The following TDRD3 variants were observed in gnomAD, a reference collection of about 807,000 sequenced individuals.
TDRD3 encodes tudor domain containing 3.
Under a neutral mutation model 86.7 loss-of-function variants are expected in TDRD3, and 45 were observed. That is an observed-to-expected ratio of 0.52 (90% CI 0.41 to 0.67). The LOEUF (loss-of-function observed/expected upper bound fraction) is 0.67. Among genes scored for constraint, TDRD3 ranks in the 30% least tolerant of loss-of-function variants. TDRD3 has a pLI of 0.00. For missense variants in TDRD3, 814 were observed against 889.0 expected (o/e 0.92, Z 1.07); for synonymous variants, 298 against 301.7 (o/e 0.99, Z 0.13).
chr13:60,494,618 T>G (rs180673492), intron 8 of TDRD3, 43 bp downstream of exon 8: 2 of 1,579,186 alleles, frequency 1.3e-6, no homozygotes, highest in Admixed American at 1.8e-5. Flanking sequence ...TGTTATTTCT[T>G]AAAATGATTC....
intron 1 of TDRD3, among the ~76,000 whole-genome samples, chr13:60,419,528 G>A (rs1428423476): frequency 6.6e-6 from 1 of 151,952 alleles, no homozygotes; most frequent in Non-Finnish European, 1.5e-5. Context: ...ACTAACATAG[G>A]AACAGAAAAA....
chr13:60,544,490 T>C (rs575914178), intron 12 of TDRD3, among the ~76,000 whole-genome samples: 3 of 151,156 alleles, frequency 2.0e-5, no homozygotes, highest in African/African-American at 7.3e-5. Flanking sequence ...GAAAAAATTG[T>C]CAAAACTAGT....
intron 6 of TDRD3, 59 bp from the exon 7 acceptor site, chr13:60,485,740 C>A (rs768812864): frequency 1.8e-4 from 245 of 1,363,592 alleles, no homozygotes; most frequent in Non-Finnish European, 2.3e-4. Flanking sequence ...TACTTTCTAA[C>A]GAAAACTTGA....
intron 12 of TDRD3, among the ~76,000 whole-genome samples, chr13:60,550,017 T>C (rs976643248): frequency 1.3e-5 from 2 of 152,096 alleles, no homozygotes; most frequent in African/African-American, 4.8e-5. Flanking sequence ...GCCTGCATCA[T>C]GAACACTTGA....
At chr13:60,504,354 G>A (rs1956891903) in intron 8 of TDRD3, among the ~76,000 whole-genome samples, 1 of 152,180 alleles carries the variant, frequency 6.6e-6, no homozygotes, top group Non-Finnish European at 1.5e-5. Context: ...TTGTGTACCA[G>A]GTATGGAGCC....
At chr13:60,443,491 A>T (rs1332704920) in intron 2 of TDRD3, among the ~76,000 whole-genome samples, 1 of 151,996 alleles carries the variant, frequency 6.6e-6, no homozygotes. Context: ...GGAATAAATT[A>T]TGAATCACAG....
At chr13:60,427,553 G>A (rs966992836) in intron 1 of TDRD3, among the ~76,000 whole-genome samples, 4 of 152,142 alleles carry the variant, frequency 2.6e-5, no homozygotes, top group Non-Finnish European at 5.9e-5. Flanking sequence ...GGTAGACAGA[G>A]TTTGGTGATC....
chr13:60,561,635 T>C (rs1033585642), intron 12 of TDRD3, among the ~76,000 whole-genome samples: 6 of 152,184 alleles, frequency 3.9e-5, no homozygotes, highest in African/African-American at 1.2e-4. Flanking sequence ...GTTAGATTTA[T>C]CTCCAGTTCC....
intron 12 of TDRD3, chr13:60,535,553 A>G (rs936219128): frequency 6.3e-6 from 1 of 159,572 alleles, no homozygotes; most frequent in Non-Finnish European, 1.4e-5. Context: ...CCAGTTTGTT[A>G]CTTTGAATTT....
intron 10 of TDRD3, among the ~76,000 whole-genome samples, chr13:60,524,521 A>G (rs1957366054): frequency 6.6e-6 from 1 of 151,662 alleles, no homozygotes. Context: ...AAAAAAATAA[A>G]TAAATAAATA....
At chr13:60,402,859 A>G (rs923043529) in intron 1 of TDRD3, among the ~76,000 whole-genome samples, 4 of 152,038 alleles carry the variant, frequency 2.6e-5, no homozygotes, top group African/African-American at 7.2e-5. Context: ...TGGCTAGCCA[A>G]TTGCTTTTTA....
chr13:60,564,403 T>G (rs1031434839), intron 12 of TDRD3, among the ~76,000 whole-genome samples: 6 of 152,172 alleles, frequency 3.9e-5, no homozygotes, highest in Non-Finnish European at 7.4e-5. Context: ...TTTAAAAGAT[T>G]TTCTGGTGCC....
At chr13:60,417,923 A>C (rs1954564683) in intron 1 of TDRD3, among the ~76,000 whole-genome samples, 1 of 152,016 alleles carries the variant, frequency 6.6e-6, no homozygotes, top group Non-Finnish European at 1.5e-5. Context: ...CAGACCTGCC[A>C]ATTTTACCTT....
At chr13:60,547,108 T>C (rs1957956530) in intron 12 of TDRD3, 2 of 337,660 alleles carry the variant, frequency 5.9e-6, no homozygotes, top group South Asian at 2.4e-4. Context: ...ATAATTTTCA[T>C]TATAAAAAAT....
chr13:60,545,563 C>A (rs1471776697), intron 12 of TDRD3, among the ~76,000 whole-genome samples: 1 of 151,986 alleles, frequency 6.6e-6, no homozygotes, highest in African/African-American at 2.4e-5. Flanking sequence ...TTTGGTACCA[C>A]TTAATGAATG....
intron 1 of TDRD3, among the ~76,000 whole-genome samples, chr13:60,400,050 A>G (rs1954051628): frequency 6.6e-6 from 1 of 152,246 alleles, no homozygotes; most frequent in Non-Finnish European, 1.5e-5. Context: ...GGCCAGTAGC[A>G]CACAAACTAT....
In TDRD3 at chr13:60,535,235, T is replaced by G; in HGVS notation, c.2118+2T>G. ...AAGCCCATTCAAACAGAGGCATGGG[T>G]ACGTGATACATATTCTGTACAAAGG... On this transcript the variant is annotated splice_donor_variant, in intron 12 of 13. Coordinates refer to ENST00000377881, the MANE Select transcript of TDRD3 (RefSeq NM_001146070.2). LOFTEE classifies it high-confidence loss of function. The G allele has an allele frequency of 1.9e-6, 3 of 1,612,754 alleles. No individual in the cohort carries two copies. The highest frequency in any genetic ancestry group is 1.7e-6 in the Non-Finnish European group (2 of 1,179,380).
chr13:60,449,576 A>T (rs965817369), intron 3 of TDRD3, among the ~76,000 whole-genome samples: 3 of 152,092 alleles, frequency 2.0e-5, no homozygotes, highest in Non-Finnish European at 4.4e-5. Context: ...TTACTTTGTG[A>T]TTGAATACGA....
At chr13:60,451,210 C>T (rs1955531846) in intron 3 of TDRD3, among the ~76,000 whole-genome samples, 1 of 152,142 alleles carries the variant, frequency 6.6e-6, no homozygotes, top group African/African-American at 2.4e-5. Flanking sequence ...TTTCTCCCAG[C>T]CTCCTTTGCA....
Sources: gnomAD v4.1 joint callset for allele counts (sites outside exome capture counted in the v4.1 genomes callset) on GRCh38, gnomAD v4.1.1 for gene constraint, MANE v1.5 for transcripts, NCBI Gene and HGNC (gene_info 2026-07-23, HGNC 2026-07-21) for gene names.